HMCN1: variants seen among roughly 807,000 people sequenced by gnomAD.
The protein encoded by HMCN1 is hemicentin 1, also known as hemicentin-1.
Under a neutral mutation model 625.9 loss-of-function variants are expected in HMCN1, and 321 were observed. The ratio of observed to expected loss-of-function variants is 0.51; its 90% CI spans 0.47 to 0.56. HMCN1 has a LOEUF of 0.56. Ranked by LOEUF, HMCN1 falls within the 20% of genes least tolerant of loss-of-function variation. The pLI is 0.00. For synonymous variants in HMCN1, 2,425 were observed against 2,417.6 expected, an observed-to-expected ratio of 1.00 and a Z score of -0.09; for missense variants, 6,588 against 6,887.3, an observed-to-expected ratio of 0.96 and a Z score of 1.54.
In HMCN1 at chr1:186,190,780, G is replaced by C. The variant is rs886045698; in HGVS notation, c.*902G>C. 5 of 195,612 alleles carry C rather than the reference G, an allele frequency of 2.6e-5. No individual in the cohort carries two copies. In the South Asian group the frequency reaches 7.6e-4, roughly 30 times the overall value. The allele number at this position is 195,612 out of a possible 1,614,324, so 12.1% of individuals were successfully genotyped here. A position where few individuals can be genotyped will look rare whatever the true frequency, so the allele number is the denominator to read the frequency against. ...CAATACACTGTACATGGTGGTAATA[G>C]ACTCTAAGCAATTGCCAAGATGTAT... On this transcript the variant is annotated 3_prime_UTR_variant, in exon 107 of 107. Coordinates refer to ENST00000271588, the MANE Select transcript of HMCN1 (RefSeq NM_031935.3).
rs1491268573 is a variant in HMCN1, at chr1:186,063,067, C to CGTATATATAT, written c.7513+467_7513+468insGTATATATAT. Among the ~76,000 whole-genome samples, 33 of 59,840 alleles carry CGTATATATAT rather than the reference C, an allele frequency of 5.5e-4. 1 individual carries two copies. The highest frequency in any genetic ancestry group is 3.0e-3 in the African/African-American group (31 of 10,476). 39.3% of individuals were successfully genotyped at this position (59,840 alleles called of 152,430 possible). A position where few individuals can be genotyped will look rare whatever the true frequency, so the allele number is the denominator to read the frequency against. ...GTGTGTGTGTGTGTGTGTGTGTGTG[C>CGTATATATAT]ATATATATATATATATATATATATA... On this transcript the variant is annotated intron_variant, in intron 48 of 106. Transcript: ENST00000271588.
chr1:185,894,465 A>T (rs1665362583), intron 4 of HMCN1, among the ~76,000 whole-genome samples: 1 of 152,204 alleles, frequency 6.6e-6, no homozygotes, highest in Non-Finnish European at 1.5e-5. Context: ...ATTCTAGGAC[A>T]TTTCATTTGT....
rs189670145 is a variant in HMCN1, at chr1:185,973,253, T to A, written c.2371+2760T>A. On this transcript the variant is annotated intron_variant, in intron 15 of 106. Coordinates refer to ENST00000271588, the MANE Select transcript of HMCN1 (RefSeq NM_031935.3). ...GAAACATGTATCATGTAAATGAATA[T>A]TAACTTCACAAATTAAGTGGTCATT... Among the ~76,000 whole-genome samples, 473 of 152,178 alleles carry A rather than the reference T, an allele frequency of 3.1e-3. 3 individuals carry two copies. The highest frequency in any genetic ancestry group is 0.011 in the African/African-American group (443 of 41,560).
chr1:185,840,109 A>G (rs1661390002), intron 1 of HMCN1, among the ~76,000 whole-genome samples: 1 of 152,192 alleles, frequency 6.6e-6, no homozygotes, highest in South Asian at 2.1e-4. Flanking sequence ...ACAGTTCTGC[A>G]TTTGTTGATT....
At chr1:185,841,135 A>G (rs555700367) in intron 1 of HMCN1, among the ~76,000 whole-genome samples, 1 of 152,208 alleles carries the variant, frequency 6.6e-6, no homozygotes, top group Non-Finnish European at 1.5e-5. Context: ...TTAAGAGAAC[A>G]ATGGTTGAGA....
chr1:186,145,842 C>T lies in HMCN1; in HGVS notation c.14527C>T (p.His4843Tyr). The change falls in exon 93 of 107, where the codon CAT becomes TAT. Residue 4843 changes from histidine (H) to tyrosine (Y), a missense_variant. His to Tyr is a moderately conservative substitution (Grantham distance 83). Coordinates refer to ENST00000271588, the MANE Select transcript of HMCN1 (RefSeq NM_031935.3). ...GEKTRKRLCD[H>Y]PVPVKGGRPC... ...AAAGACTCGGAAGCGGCTGTGCGAC[C>T]ATCCTGTGCCAGTTAAAGGTGGCCG... The T allele has an allele frequency of 1.2e-6, 2 of 1,614,016 alleles. No individual in the cohort carries two copies. The highest frequency in any genetic ancestry group is 1.7e-6 in the Non-Finnish European group (2 of 1,179,978).
chr1:185,826,972 C>T (rs1012098511), intron 1 of HMCN1, among the ~76,000 whole-genome samples: 5 of 151,764 alleles, frequency 3.3e-5, no homozygotes, highest in South Asian at 2.1e-4. Context: ...GTCAGAAGAT[C>T]GAGACCATCC....
intron 79 of HMCN1, 57 bp downstream of exon 79, chr1:186,119,939 C>T (rs1308464734): frequency 1.2e-6 from 2 of 1,613,714 alleles, no homozygotes; most frequent in African/African-American, 2.7e-5. Context: ...TTTTATAATT[C>T]GAATCAGCAT....
intron 102 of HMCN1, among the ~76,000 whole-genome samples, chr1:186,173,118 T>C (rs1251380415): frequency 6.6e-6 from 1 of 152,194 alleles, no homozygotes; most frequent in South Asian, 2.1e-4. Flanking sequence ...TACACAGAAA[T>C]TTGATTTTAA....
chr1:185,944,714 T>G (rs564120127), intron 11 of HMCN1, among the ~76,000 whole-genome samples: 28 of 152,324 alleles, frequency 1.8e-4, no homozygotes, highest in African/African-American at 5.8e-4. Context: ...CAAACAAGCA[T>G]GCAGACAAAA....
chr1:186,130,002 T>C lies in HMCN1; in HGVS notation c.12941T>C (p.Val4314Ala), dbSNP rs79183244. Reference protein sequence around the residue: ...FDSVNGHSELVIERVSKEDSG... With the variant: ...FDSVNGHSELAIERVSKEDSG... Reference sequence around the variant, plus strand: ...AGTGTGAATGGACACAGTGAACTTGTTATTGAAAGAGTGTCAAAAGAGGAT... The same window carrying C: ...AGTGTGAATGGACACAGTGAACTTGCTATTGAAAGAGTGTCAAAAGAGGAT... The change falls in exon 84 of 107, where the codon GTT becomes GCT. Residue 4314 changes from valine to alanine, a missense_variant. By Grantham distance (64) the Val-to-Ala change is moderately conservative. Around this residue, in one of 3 missense-constraint regions of HMCN1, gnomAD observed 1,954 missense variants for 2,013.1 expected, o/e 0.97. Coordinates refer to ENST00000271588, the MANE Select transcript of HMCN1 (RefSeq NM_031935.3). 3.6e-3 allele frequency: 5,859 copies of C among 1,613,208 alleles called. 115 individuals carry two copies. Among genetic ancestry groups the C allele is most frequent in the African/African-American group, 0.032 (2,413 of 74,972 alleles).
intron 1 of HMCN1, among the ~76,000 whole-genome samples, chr1:185,765,012 A>AGCT (rs2102131594): frequency 6.6e-6 from 1 of 152,246 alleles, no homozygotes; most frequent in South Asian, 2.1e-4. Flanking sequence ...GCTGCACCAC[A>AGCT]GCTGATTGCA....
At chr1:185,988,257 C>T (rs1048045613) in intron 20 of HMCN1, among the ~76,000 whole-genome samples, 11 of 152,178 alleles carry the variant, frequency 7.2e-5, no homozygotes, top group African/African-American at 2.7e-4. Context: ...TCATGTTGTT[C>T]AGCTTTTACT....
chr1:186,097,597 G>A (rs1350797334), intron 68 of HMCN1, among the ~76,000 whole-genome samples: 1 of 151,820 alleles, frequency 6.6e-6, no homozygotes, highest in East Asian at 1.9e-4. Flanking sequence ...TTTATGGATT[G>A]GAAGAATTAA....
At position 186,067,798 on chromosome 1, in the gene HMCN1, A is replaced by G. The variant is rs80012945; in HGVS notation, c.7706-36A>G. The G allele has an allele frequency of 3.9e-4, 565 of 1,432,132 alleles. 4 individuals are homozygous for G. The African/African-American group carries it at 7.0e-3, about 18-fold the overall frequency. 88.7% of individuals were successfully genotyped at this position (1,432,132 alleles called of 1,614,324 possible). A position where few individuals can be genotyped will look rare whatever the true frequency, so the allele number is the denominator to read the frequency against. ...GAAATGCACAAATATACAAATTTCT[A>G]CATATATTTCTTCAACAAATTTTCA... On this transcript the variant is annotated intron_variant, in intron 49 of 106. Transcript: ENST00000271588.
chr1:185,891,452 G>A (rs1387220489), intron 4 of HMCN1, among the ~76,000 whole-genome samples: 1 of 148,324 alleles, frequency 6.7e-6, no homozygotes, highest in South Asian at 2.1e-4. Context: ...GCTGGTACCG[G>A]TTGTTCCTTT....
In HMCN1 at chr1:186,123,060, T is replaced by A; in HGVS notation, c.12339T>A (p.His4113Gln). 1 of 1,614,132 alleles carries A rather than the reference T, an allele frequency of 6.2e-7. No homozygotes were observed. The highest frequency in any genetic ancestry group is 8.5e-7 in the Non-Finnish European group (1 of 1,179,994). The change falls in exon 81 of 107, where the codon CAT (histidine) becomes CAA (glutamine). Residue 4113 changes from histidine (H) to glutamine (Q), a missense_variant. Around this residue, in one of 3 missense-constraint regions of HMCN1, gnomAD observed 1,954 missense variants for 2,013.1 expected, o/e 0.97. Transcript: ENST00000271588. The stretch of plus-strand genomic sequence containing the variant: ...TCCCTCCGCCTGACATTACATGGCA[T>A]AAAGATGGGCGTGCAATTGTGGAAT... ...DGLPPPDITWHKDGRAIVESI... is the reference protein window; with the variant it reads ...DGLPPPDITWQKDGRAIVESI...
chr1:185,844,366 G>A (rs1951517), intron 1 of HMCN1, among the ~76,000 whole-genome samples: 35,945 of 152,026 alleles, frequency 0.24, 4,675 homozygotes, highest in Non-Finnish European at 0.3. Context: ...GAAGGATTGA[G>A]GCATTTTTTC....
At chr1:185,881,509 C>T (rs56182901) in intron 4 of HMCN1, among the ~76,000 whole-genome samples, 10,473 of 152,058 alleles carry the variant, frequency 0.069, 1,260 homozygotes, top group African/African-American at 0.24. Context: ...AGGCACAGGA[C>T]GGGGTAGGGT....
Sources: gnomAD v4.1 joint callset for allele counts (sites outside exome capture counted in the v4.1 genomes callset) on GRCh38, gnomAD v4.1.1 for gene constraint, gnomAD v4.1.1 regional missense constraint, MANE v1.5 for transcripts, NCBI Gene and HGNC (gene_info 2026-07-23, HGNC 2026-07-21) for gene names.